The following PTPRD variants were observed in gnomAD, a reference collection of about 807,000 sequenced individuals.
PTPRD encodes the protein receptor-type tyrosine-protein phosphatase delta.
In PTPRD, 34 loss-of-function variants were observed where a neutral mutation model predicts 214.5. The observed-to-expected ratio is 0.16, with a 90% CI of 0.12 to 0.21. PTPRD has a LOEUF of 0.21. PTPRD is among the 10% of genes least tolerant of loss of function. PTPRD has a pLI of 1.00. For synonymous variants in PTPRD, 1,128 were observed against 845.7 expected, an observed-to-expected ratio of 1.33 and a Z score of -5.79; for missense variants, 2,545 against 2,398.7, an observed-to-expected ratio of 1.06 and a Z score of -1.27.
rs2095522366 is a variant in PTPRD, at chr9:8,613,676, G to A, written c.352+19641C>T. On this transcript the variant is annotated intron_variant, in intron 14 of 45. Transcript: ENST00000381196. The stretch of plus-strand genomic sequence containing the variant: ...GAGATCATTCCAGAGTTCTTCCTGG[G>A]ACCAATCCAAAAATCTGCCACTCGC... Among the ~76,000 whole-genome samples the A allele has an allele frequency of 2.0e-5, 3 of 151,962 alleles. No individual in the cohort carries two copies. The South Asian group carries it at 6.2e-4, about 32-fold the overall frequency.
intron 2 of PTPRD, among the ~76,000 whole-genome samples, chr9:10,343,175 T>C (rs1323821486): frequency 3.3e-5 from 5 of 152,080 alleles, no homozygotes; most frequent in South Asian, 2.1e-4. Flanking sequence ...CCTCACCCTG[T>C]GTCCAGGTGA....
chr9:8,959,710 T>C (rs534481432), intron 11 of PTPRD, among the ~76,000 whole-genome samples: 2 of 152,174 alleles, frequency 1.3e-5, no homozygotes, highest in South Asian at 4.1e-4. Flanking sequence ...GTATATCCTT[T>C]GGAAAGCAGC....
rs187196344 is a variant in PTPRD, at chr9:10,496,901, T to G, written c.-600+115497A>C. Among the ~76,000 whole-genome samples the G allele has an allele frequency of 9.2e-5, 14 of 152,150 alleles. No homozygotes were observed. In the East Asian group the frequency reaches 1.7e-3, roughly 19 times the overall value. Reference sequence around the variant, plus strand: ...TTTGCAAGTATTTTCTCCCATTCTGTAGACTGTCTGTTTACTTTGTTGATA... The same window carrying G: ...TTTGCAAGTATTTTCTCCCATTCTGGAGACTGTCTGTTTACTTTGTTGATA... On this transcript the variant is annotated intron_variant, in intron 2 of 45. Coordinates refer to ENST00000381196, the MANE Select transcript of PTPRD (RefSeq NM_002839.4).
Position 8,486,455 on chromosome 9 carries a change from C to T in PTPRD, c.2468-106G>A, listed in dbSNP as rs374772890. 149 of 999,236 alleles carry T rather than the reference C, an allele frequency of 1.5e-4. 2 individuals are homozygous for T. Among genetic ancestry groups the T allele is most frequent in the Non-Finnish European group, 2.2e-4 (137 of 626,252 alleles). The allele number at this position is 999,236 out of a possible 1,614,324, so 61.9% of individuals were successfully genotyped here. ...CTCTACTGGTATTCCCATTTTCTTA[C>T]TTACCAAAACAAAACAAAACAGGCA... On this transcript the variant is annotated intron_variant, in intron 27 of 45. Coordinates refer to ENST00000381196, the MANE Select transcript of PTPRD (RefSeq NM_002839.4).
At chr9:9,829,095 C>T (rs531359914) in intron 5 of PTPRD, among the ~76,000 whole-genome samples, 9 of 151,916 alleles carry the variant, frequency 5.9e-5, no homozygotes, top group African/African-American at 2.2e-4. Flanking sequence ...ACATATTTTA[C>T]ATTTATCTAT....
intron 8 of PTPRD, among the ~76,000 whole-genome samples, chr9:9,443,824 T>C (rs2089307123): frequency 6.6e-6 from 1 of 152,192 alleles, no homozygotes; most frequent in Admixed American, 6.5e-5. Context: ...GTAAAAAAGA[T>C]GATGCTTTAA....
intron 22 of PTPRD, among the ~76,000 whole-genome samples, chr9:8,506,507 C>T (rs2097545411): frequency 6.6e-6 from 1 of 152,198 alleles, no homozygotes; most frequent in South Asian, 2.1e-4. Context: ...CTCTGGAACT[C>T]GACTGCCTAG....
chr9:9,135,601 G>C (rs1189136629), intron 10 of PTPRD, among the ~76,000 whole-genome samples: 2 of 152,018 alleles, frequency 1.3e-5, no homozygotes, highest in South Asian at 2.1e-4. Flanking sequence ...ACACTAAAGA[G>C]GGAAAATATT....
chr9:9,453,924 T>C (rs994404496), intron 8 of PTPRD, among the ~76,000 whole-genome samples: 5 of 151,696 alleles, frequency 3.3e-5, no homozygotes, highest in Non-Finnish European at 7.4e-5. Context: ...TTACTCTACA[T>C]GAGATCCACT....
At chr9:10,052,514 T>A (rs574206837) in intron 3 of PTPRD, among the ~76,000 whole-genome samples, 1 of 152,236 alleles carries the variant, frequency 6.6e-6, no homozygotes, top group Admixed American at 6.5e-5. Context: ...AAACTGACAT[T>A]TATGGAGCAC....
At chr9:9,373,304 G>C (rs1485566255) in intron 9 of PTPRD, among the ~76,000 whole-genome samples, 1 of 152,028 alleles carries the variant, frequency 6.6e-6, no homozygotes, top group African/African-American at 2.4e-5. Flanking sequence ...GTCAATTTAA[G>C]TGACTTTCTA....
At chr9:9,253,845 G>C (rs2099976515) in intron 9 of PTPRD, among the ~76,000 whole-genome samples, 1 of 152,036 alleles carries the variant, frequency 6.6e-6, no homozygotes, top group South Asian at 2.1e-4. Context: ...TTCTGTTCCA[G>C]AGGCCAGAAG....
At chr9:9,993,493 C>T (rs2096019188) in intron 4 of PTPRD, among the ~76,000 whole-genome samples, 1 of 152,102 alleles carries the variant, frequency 6.6e-6, no homozygotes, top group African/African-American at 2.4e-5. Context: ...GTGCTACAAC[C>T]ATGTATAACA....
chr9:8,476,026 C>A (rs1565117477), intron 30 of PTPRD, among the ~76,000 whole-genome samples: 1 of 152,198 alleles, frequency 6.6e-6, no homozygotes, highest in Non-Finnish European at 1.5e-5. Flanking sequence ...AGAAGGCCAG[C>A]AGGATCTTGC....
At chr9:10,179,162 C>G (rs2099267174) in intron 3 of PTPRD, among the ~76,000 whole-genome samples, 1 of 151,866 alleles carries the variant, frequency 6.6e-6, no homozygotes, top group African/African-American at 2.4e-5. Context: ...TCATTCATAT[C>G]AACAGCAGTG....
chr9:9,620,460 T>C (rs1454147529), intron 7 of PTPRD, among the ~76,000 whole-genome samples: 1 of 152,198 alleles, frequency 6.6e-6, no homozygotes, highest in Non-Finnish European at 1.5e-5. Context: ...CTGTATCATC[T>C]GAACTGATTC....
chr9:9,786,252 G>GA (rs76863570), intron 5 of PTPRD, among the ~76,000 whole-genome samples: 103,221 of 152,026 alleles, frequency 0.68, 36,351 homozygotes, highest in African/African-American at 0.84. Context: ...ATGAAAACTA[G>GA]AAAAATTTAC....
intron 6 of PTPRD, among the ~76,000 whole-genome samples, chr9:9,741,893 G>A (rs528595097): frequency 3.7e-4 from 57 of 152,152 alleles, no homozygotes; most frequent in African/African-American, 1.1e-3. Flanking sequence ...CTTTGCTATC[G>A]TGAACAGTGC....
intron 9 of PTPRD, among the ~76,000 whole-genome samples, chr9:9,186,252 A>G (rs2099931396): frequency 6.6e-6 from 1 of 152,108 alleles, no homozygotes; most frequent in Non-Finnish European, 1.5e-5. Context: ...GGAAATAACA[A>G]TAAGGGTTCT....
Sources: gnomAD v4.1 joint callset for allele counts (sites outside exome capture counted in the v4.1 genomes callset) on GRCh38, gnomAD v4.1.1 for gene constraint, MANE v1.5 for transcripts, NCBI Gene and HGNC (gene_info 2026-07-23, HGNC 2026-07-21) for gene names.